UQCC1: variants seen among roughly 807,000 people sequenced by gnomAD.
The protein encoded by UQCC1 is bFGF-repressed Zic-binding protein.
A neutral mutation model predicts 48.0 loss-of-function variants in UQCC1; 38 were observed. That is an observed-to-expected ratio of 0.79 (90% CI 0.61 to 1.04). The LOEUF (loss-of-function observed/expected upper bound fraction) is 1.04, where lower values mean the gene tolerates loss of function less well. Ranked by LOEUF, UQCC1 falls within the 50% of genes least tolerant of loss-of-function variation. UQCC1 has a pLI of 0.00. For synonymous variants in UQCC1, 111 were observed against 129.2 expected (o/e 0.86, Z 0.95); for missense variants, 368 against 381.8 (o/e 0.96, Z 0.30).
chr20:35,336,430 A>G (rs778092687), intron 7 of UQCC1, among the ~76,000 whole-genome samples: 5 of 152,252 alleles, frequency 3.3e-5, no homozygotes, highest in Non-Finnish European at 7.3e-5. Context: ...CCTAAATGCC[A>G]TCACACATAT....
At chr20:35,306,450 C>A in intron 9 of UQCC1, 1 of 538,770 alleles carries the variant, frequency 1.9e-6, no homozygotes, top group Admixed American at 3.1e-5. Flanking sequence ...CTACTCGATG[C>A]CTCTTTCTCT....
intron 5 of UQCC1, among the ~76,000 whole-genome samples, chr20:35,373,946 T>C (rs1278948521): frequency 1.1e-4 from 17 of 152,154 alleles, no homozygotes; most frequent in Non-Finnish European, 2.9e-5. Flanking sequence ...GCTGAGGTGG[T>C]AGGACTGCTT....
intron 7 of UQCC1, among the ~76,000 whole-genome samples, chr20:35,327,029 C>A (rs1168214836): frequency 1.3e-5 from 2 of 152,284 alleles, no homozygotes; most frequent in East Asian, 3.9e-4. Context: ...CCTTTCCCAG[C>A]GATCCTAAAA....
At chr20:35,411,894 A>C (rs771143284) in intron 1 of UQCC1, 46 bp downstream of exon 1, 11 of 1,613,720 alleles carry the variant, frequency 6.8e-6, no homozygotes, top group Non-Finnish European at 9.3e-6. Context: ...TCGAACTCCA[A>C]CCCGGGACCC....
intron 7 of UQCC1, among the ~76,000 whole-genome samples, chr20:35,342,197 A>C (rs773729547): frequency 3.3e-5 from 5 of 152,202 alleles, no homozygotes; most frequent in Non-Finnish European, 7.3e-5. Context: ...ACCGCTGATA[A>C]GGGTAAACTG....
At chr20:35,342,104 TAGAG>T (rs2061386468) in intron 7 of UQCC1, among the ~76,000 whole-genome samples, 1 of 152,258 alleles carries the variant, frequency 6.6e-6, no homozygotes, top group South Asian at 2.1e-4. Flanking sequence ...GCAGCTCTGC[TAGAG>T]AGTGAGCAGG....
At chr20:35,359,931 G>C (rs1188559164) in intron 6 of UQCC1, among the ~76,000 whole-genome samples, 1 of 152,076 alleles carries the variant, frequency 6.6e-6, no homozygotes, top group African/African-American at 2.4e-5. Context: ...AACCCTTCTG[G>C]GGGGAGCATG....
intron 1 of UQCC1, among the ~76,000 whole-genome samples, chr20:35,396,115 G>T (rs959557095): frequency 2.0e-5 from 3 of 150,966 alleles, no homozygotes; most frequent in Non-Finnish European, 4.4e-5. Context: ...CTCCCAAGTG[G>T]CTGGGACTAC....
intron 7 of UQCC1, among the ~76,000 whole-genome samples, chr20:35,341,252 A>C (rs1356139414): frequency 6.6e-6 from 1 of 151,816 alleles, no homozygotes; most frequent in East Asian, 1.9e-4. Flanking sequence ...AGAAAGAAAG[A>C]AAGAAAATAA....
intron 6 of UQCC1, among the ~76,000 whole-genome samples, chr20:35,366,021 A>AT (rs928501651): frequency 8.0e-4 from 122 of 152,036 alleles, no homozygotes; most frequent in African/African-American, 2.7e-3. Context: ...TGAAAAATTG[A>AT]TTTTTTTTGG....
chr20:35,411,182 G>A (rs1350020712), intron 1 of UQCC1, among the ~76,000 whole-genome samples: 1 of 152,038 alleles, frequency 6.6e-6, no homozygotes, highest in Non-Finnish European at 1.5e-5. Context: ...CGTTTTTTCT[G>A]CTGCCACTTT....
intron 7 of UQCC1, among the ~76,000 whole-genome samples, chr20:35,326,149 C>G (rs1297941212): frequency 2.0e-5 from 3 of 151,792 alleles, no homozygotes; most frequent in Non-Finnish European, 2.9e-5. Flanking sequence ...CTGTAAGGAA[C>G]TGAAACAATG....
Position 35,381,986 on chromosome 20 carries a change from TCTC to T in UQCC1, c.262_264del (p.Glu88del), listed in dbSNP as rs2061875594. The T allele has an allele frequency of 6.2e-7, 1 of 1,612,770 alleles. No homozygotes were observed. Among genetic ancestry groups the T allele is most frequent in the Non-Finnish European group, 8.5e-7 (1 of 1,179,582 alleles). On this transcript the variant is annotated inframe_deletion, in exon 4 of 10. Coordinates refer to ENST00000374385, the MANE Select transcript of UQCC1 (RefSeq NM_018244.5). ...ATTATCTTTGTGAAAGCACCAACCT[TCTC>T]CTCAACAGGCTGTGGGGAATCTTTG...
intron 7 of UQCC1, among the ~76,000 whole-genome samples, chr20:35,321,757 G>A (rs569792098): frequency 6.6e-6 from 1 of 152,240 alleles, no homozygotes; most frequent in East Asian, 1.9e-4. Context: ...TGCTGCTTGG[G>A]ATCTACATGT....
intron 7 of UQCC1, among the ~76,000 whole-genome samples, chr20:35,320,374 GT>G (rs1279904473): frequency 1.3e-5 from 2 of 152,218 alleles, no homozygotes; most frequent in African/African-American, 2.4e-5. Context: ...GGAATCTGAT[GT>G]TTGGGAAAGT....
intron 2 of UQCC1, among the ~76,000 whole-genome samples, chr20:35,387,047 C>T (rs904301896): frequency 6.6e-5 from 10 of 151,816 alleles, no homozygotes; most frequent in South Asian, 2.1e-4. Context: ...GAGGCCGAGG[C>T]GGGAGGGTTG....
chr20:35,374,202 A>C lies in UQCC1; in HGVS notation c.388T>G (p.Phe130Val). The C allele has an allele frequency of 6.2e-7, 1 of 1,612,540 alleles. No individual in the cohort carries two copies. ...AACTTACTTAGAAAGAATTCCTCGA[A>C]GTCAGTTTTCTCCACACAGCTAGTA... ...MYTSCVEKTD[F>V]EEFFLRCQMP... The change falls in exon 5 of 10, where the codon TTC becomes GTC. Residue 130 changes from phenylalanine (F) to valine (V), a missense_variant. By Grantham distance (50) the Phe-to-Val change is conservative (BLOSUM62 -1). Coordinates refer to ENST00000374385, the MANE Select transcript of UQCC1 (RefSeq NM_018244.5).
At chr20:35,383,442 TATAATCTCA>T in intron 3 of UQCC1, among the ~76,000 whole-genome samples, 1 of 152,158 alleles carries the variant, frequency 6.6e-6, no homozygotes, top group African/African-American at 2.4e-5. Flanking sequence ...GGCTCACACC[TATAATCTCA>T]GTAATCCCAG....
At chr20:35,385,667 GATTTTTGT>G (rs2061933178) in intron 2 of UQCC1, among the ~76,000 whole-genome samples, 1 of 151,978 alleles carries the variant, frequency 6.6e-6, no homozygotes, top group Non-Finnish European at 1.5e-5. Flanking sequence ...ACACCCTGCT[GATTTTTGT>G]ATTTTTGTAG....
Sources: allele counts gnomAD v4.1 joint callset (sites outside exome capture counted in the v4.1 genomes callset), GRCh38; gene constraint gnomAD v4.1.1; transcripts MANE v1.5; gene names NCBI Gene and HGNC (gene_info 2026-07-23, HGNC 2026-07-21).